SV2C: variants seen among roughly 807,000 people sequenced by gnomAD.
SV2C encodes the protein solute carrier family 22 member B3.
In SV2C, 49 loss-of-function variants were observed where a neutral mutation model predicts 79.7. That is an observed-to-expected ratio of 0.61 (90% CI 0.49 to 0.78). The LOEUF is 0.78. Ranked by LOEUF, SV2C falls within the 30% of genes least tolerant of loss-of-function variation. The pLI, the probability that SV2C is intolerant of heterozygous loss-of-function variation, is 0.00. For synonymous variants in SV2C, 334 were observed against 333.2 expected (o/e 1.00, Z -0.03); for missense variants, 833 against 912.9 (o/e 0.91, Z 1.13).
At chr5:75,889,787 T>C in the SV2C span, among the ~76,000 whole-genome samples, 1 of 152,098 alleles carries the variant, frequency 6.6e-6, no homozygotes. Context: ...AAAATTATCA[T>C]TGAGTTCAAA....
At chr5:76,162,732 C>A (rs574838747) in intron 2 of SV2C, among the ~76,000 whole-genome samples, 2 of 152,262 alleles carry the variant, frequency 1.3e-5, no homozygotes, top group Admixed American at 1.3e-4. Context: ...CGAATTGGGC[C>A]CTGGAATGTT....
intron 4 of SV2C, chr5:76,281,152 G>T (rs1747181414): frequency 3.7e-6 from 2 of 541,058 alleles, no homozygotes; most frequent in Admixed American, 1.9e-5. Flanking sequence ...AAGTGAGAAG[G>T]TATCACAACT....
At chr5:76,060,699 T>C in the SV2C span, among the ~76,000 whole-genome samples, 1 of 152,126 alleles carries the variant, frequency 6.6e-6, no homozygotes, top group African/African-American at 2.4e-5. Context: ...TTTGCTTTCT[T>C]ATCATTTGGT....
the SV2C span, among the ~76,000 whole-genome samples, chr5:76,050,734 G>A: frequency 6.6e-6 from 1 of 152,110 alleles, no homozygotes; most frequent in South Asian, 2.1e-4. Flanking sequence ...CATTTTATCT[G>A]TGTGTTCTGG....
intron 4 of SV2C, among the ~76,000 whole-genome samples, chr5:76,220,382 G>A (rs943860612): frequency 6.6e-6 from 1 of 152,040 alleles, no homozygotes; most frequent in Non-Finnish European, 1.5e-5. Context: ...TTAAAAATTA[G>A]AATTGACAGC....
At chr5:76,285,428 G>A in intron 5 of SV2C, 133 bp downstream of exon 5, 2 of 1,322,332 alleles carry the variant, frequency 1.5e-6, no homozygotes. Context: ...TGGAGGGTTT[G>A]GTTTCATGGA....
chr5:76,249,103 A>G (rs1403355000), intron 4 of SV2C, among the ~76,000 whole-genome samples: 2 of 152,164 alleles, frequency 1.3e-5, no homozygotes, highest in Non-Finnish European at 2.9e-5. Flanking sequence ...AAGAAAAGTA[A>G]AATTCTAGAT....
chr5:76,183,654 C>T (rs1015467961), intron 2 of SV2C, among the ~76,000 whole-genome samples: 2 of 152,104 alleles, frequency 1.3e-5, no homozygotes, highest in African/African-American at 4.8e-5. Context: ...TCCAACTTTT[C>T]CTCCAGCCTT....
chr5:76,132,355 C>A, intron 2 of SV2C, 25 bp downstream of exon 2: 2 of 1,574,112 alleles, frequency 1.3e-6, no homozygotes, highest in Non-Finnish European at 8.6e-7. Flanking sequence ...TCAGTGAGGC[C>A]AACTCTGAAA....
the SV2C span, among the ~76,000 whole-genome samples, chr5:75,988,190 T>C: frequency 6.6e-5 from 10 of 152,052 alleles, no homozygotes; most frequent in Non-Finnish European, 1.3e-4. Context: ...TTTTTCCTAT[T>C]TAACATTATT....
chr5:76,034,180 C>G, the SV2C span, among the ~76,000 whole-genome samples: 13 of 151,688 alleles, frequency 8.6e-5, no homozygotes, highest in African/African-American at 2.9e-4. Flanking sequence ...GATATACAAT[C>G]ATGTCATCTG....
intron 1 of SV2C, among the ~76,000 whole-genome samples, chr5:76,100,188 G>A (rs1161670771): frequency 1.3e-5 from 2 of 152,248 alleles, no homozygotes; most frequent in African/African-American, 4.8e-5. Flanking sequence ...GTCAACTGGA[G>A]GTCCAGTTTG....
chr5:76,271,943 T>C (rs1746882831), intron 4 of SV2C, among the ~76,000 whole-genome samples: 1 of 152,166 alleles, frequency 6.6e-6, no homozygotes. Context: ...CTCCCAGTCA[T>C]TGTAGTTGCA....
chr5:75,984,651 T>G, the SV2C span, among the ~76,000 whole-genome samples: 1 of 151,842 alleles, frequency 6.6e-6, no homozygotes, highest in Non-Finnish European at 1.5e-5. Context: ...CTATCTAGCA[T>G]CATCATCTAT....
the SV2C span, among the ~76,000 whole-genome samples, chr5:75,925,203 G>T: frequency 6.6e-6 from 1 of 152,106 alleles, no homozygotes; most frequent in Non-Finnish European, 1.5e-5. Flanking sequence ...TCACCAGCAC[G>T]TCTGTTCCCA....
rs542499958 is a variant in SV2C at position 76,089,190 on chromosome 5, C to T, written c.-102+5678C>T. 6.6e-5 allele frequency among the ~76,000 whole-genome samples: 10 copies of T among 152,206 alleles called. No individual in the cohort carries two copies. The South Asian group carries it at 2.1e-3, about 32-fold the overall frequency. ...ATGCTCTCCCTTCCCTCAGTCCCTCCCCAACAGGCCCCAGTGTGTATTGTT... is the reference window on the plus strand; with the variant it reads ...ATGCTCTCCCTTCCCTCAGTCCCTCTCCAACAGGCCCCAGTGTGTATTGTT... On this transcript the variant is annotated intron_variant, in intron 1 of 12. Transcript: ENST00000502798.
chr5:75,975,252 TGAA>T, the SV2C span, among the ~76,000 whole-genome samples: 1 of 152,224 alleles, frequency 6.6e-6, no homozygotes, highest in Non-Finnish European at 1.5e-5. Flanking sequence ...GTGCACCTAG[TGAA>T]GCCCTATTTG....
chr5:75,923,908 G>A, the SV2C span, among the ~76,000 whole-genome samples: 1 of 152,172 alleles, frequency 6.6e-6, no homozygotes, highest in South Asian at 2.1e-4. Flanking sequence ...TCACTACTGG[G>A]TGTCTACCTA....
the SV2C span, among the ~76,000 whole-genome samples, chr5:75,993,950 G>A: frequency 3.1e-4 from 47 of 152,076 alleles, no homozygotes; most frequent in African/African-American, 1.1e-3. Flanking sequence ...AATTTTTCAA[G>A]CCAAGGGAGA....
Sources: allele counts gnomAD v4.1 joint callset (sites outside exome capture counted in the v4.1 genomes callset), GRCh38; gene constraint gnomAD v4.1.1; transcripts MANE v1.5; gene names NCBI Gene and HGNC (gene_info 2026-07-23, HGNC 2026-07-21).